GRM1: variants seen among roughly 807,000 people sequenced by gnomAD.
GRM1 encodes metabotropic glutamate receptor 1.
In GRM1, 33 loss-of-function variants were observed where a neutral mutation model predicts 90.9. The ratio of observed to expected loss-of-function variants is 0.36; its 90% CI spans 0.28 to 0.49. The LOEUF is 0.49. GRM1 is among the 20% of genes least tolerant of loss of function. The probability of loss-of-function intolerance (pLI) is 0.99; values close to 1 mark genes in which losing one functional copy is unlikely to be tolerated. For missense variants in GRM1, 1,190 were observed against 1,534.3 expected (o/e 0.78, Z 3.75); for synonymous variants, 700 against 613.2 (o/e 1.14, Z -2.09).
intron 1 of GRM1, among the ~76,000 whole-genome samples, chr6:146,120,072 A>G (rs1775921978): frequency 6.6e-6 from 1 of 152,216 alleles, no homozygotes. Flanking sequence ...CCTATCCATG[A>G]GCATGGAGTG....
chr6:146,102,633 T>A (rs1264434212), intron 1 of GRM1, among the ~76,000 whole-genome samples: 1 of 152,218 alleles, frequency 6.6e-6, no homozygotes, highest in African/African-American at 2.4e-5. Context: ...ATCAGCTTGA[T>A]ATGTTGATGA....
chr6:146,177,714 G>T (rs1778385875), intron 2 of GRM1, among the ~76,000 whole-genome samples: 1 of 151,920 alleles, frequency 6.6e-6, no homozygotes, highest in Admixed American at 6.6e-5. Flanking sequence ...TGCAATTTGA[G>T]TTTGACCATT....
At chr6:146,202,400 A>G (rs1299646783) in intron 2 of GRM1, among the ~76,000 whole-genome samples, 1 of 152,164 alleles carries the variant, frequency 6.6e-6, no homozygotes, top group African/African-American at 2.4e-5. Flanking sequence ...AAAAGCAGCT[A>G]TCATCATACC....
At chr6:146,188,571 A>C (rs1173383048) in intron 2 of GRM1, among the ~76,000 whole-genome samples, 1 of 152,182 alleles carries the variant, frequency 6.6e-6, no homozygotes, top group Non-Finnish European at 1.5e-5. Context: ...CAGAATGTTT[A>C]ATTCTCCCCA....
Position 146,398,318 on chromosome 6 carries a change from A to G in GRM1, c.1730-451A>G, listed in dbSNP as rs189758282. Among the ~76,000 whole-genome samples, 329 of 152,350 alleles carry G rather than the reference A, an allele frequency of 2.2e-3. 1 individual carries two copies. Among genetic ancestry groups the G allele is most frequent in the African/African-American group, 7.7e-3 (319 of 41,580 alleles). On this transcript the variant is annotated intron_variant, in intron 6 of 7. Transcript: ENST00000282753. Reference sequence around the variant, plus strand: ...TCTGCTGGCCAAAAACGACTTGTCTATGAGCTGGACTTGCCTACAGACAAT... The same window carrying G: ...TCTGCTGGCCAAAAACGACTTGTCTGTGAGCTGGACTTGCCTACAGACAAT...
intron 1 of GRM1, among the ~76,000 whole-genome samples, chr6:146,122,781 ATTTAG>A (rs66568685): frequency 0.1 from 14,147 of 136,628 alleles, 817 homozygotes; most frequent in South Asian, 0.15. Context: ...TAAGAATTCT[ATTTAG>A]TTTAAAGTTT....
At chr6:146,040,769 C>G (rs1445262077) in intron 1 of GRM1, among the ~76,000 whole-genome samples, 34 of 151,826 alleles carry the variant, frequency 2.2e-4, no homozygotes, top group Admixed American at 2.2e-3. Context: ...CTTCTTGTAC[C>G]TAGAGATTTA....
chr6:146,225,667 A>G (rs1045877078), intron 2 of GRM1, among the ~76,000 whole-genome samples: 1 of 152,118 alleles, frequency 6.6e-6, no homozygotes, highest in Non-Finnish European at 1.5e-5. Flanking sequence ...ATAAATTAAC[A>G]CCAAATTTAA....
At chr6:146,065,648 G>A (rs6930700) in intron 1 of GRM1, among the ~76,000 whole-genome samples, 6,061 of 152,142 alleles carry the variant, frequency 0.04, 397 homozygotes, top group African/African-American at 0.13. Context: ...GTTCAGCCCC[G>A]TAAACAAGGA....
At chr6:146,204,587 A>G (rs1188962178) in intron 2 of GRM1, among the ~76,000 whole-genome samples, 1 of 152,242 alleles carries the variant, frequency 6.6e-6, no homozygotes, top group Non-Finnish European at 1.5e-5. Context: ...TGCCATGTCC[A>G]TGTTCAGAAC....
rs545926988 is a variant in GRM1 at position 146,133,290 on chromosome 6, C to T, written c.701-26058C>T. On this transcript the variant is annotated intron_variant, in intron 1 of 7. Coordinates refer to ENST00000282753, the MANE Select transcript of GRM1 (RefSeq NM_001278064.2). ...ATGCTGGATTCCTAATTTTGGGCTT[C>T]TCAGAAATAATGTCTCTTTTCTTAG... 1.2e-3 allele frequency among the ~76,000 whole-genome samples: 186 copies of T among 152,338 alleles called. No homozygotes were observed. In the South Asian group the frequency reaches 0.015, roughly 12 times the overall value.
intron 2 of GRM1, among the ~76,000 whole-genome samples, chr6:146,246,376 G>T (rs1562554468): frequency 1.3e-5 from 2 of 152,128 alleles, no homozygotes; most frequent in Admixed American, 1.3e-4. Context: ...GGGCTCAATG[G>T]GGACCTTGCC....
At chr6:146,407,573 G>A (rs1307273572) in intron 7 of GRM1, among the ~76,000 whole-genome samples, 2 of 152,106 alleles carry the variant, frequency 1.3e-5, no homozygotes, top group East Asian at 1.9e-4. Context: ...ATATGTTAAT[G>A]TGTAGTTTCT....
At chr6:146,113,462 G>A (rs1775634932) in intron 1 of GRM1, among the ~76,000 whole-genome samples, 1 of 152,206 alleles carries the variant, frequency 6.6e-6, no homozygotes, top group Non-Finnish European at 1.5e-5. Context: ...TGAGTACACT[G>A]CTGCATTTAT....
At chr6:146,178,132 A>G (rs1022517566) in intron 2 of GRM1, among the ~76,000 whole-genome samples, 5 of 152,176 alleles carry the variant, frequency 3.3e-5, no homozygotes, top group Admixed American at 6.5e-5. Context: ...TCAGAATACC[A>G]CATTCTCTTT....
At chr6:146,150,193 C>T (rs1426924360) in intron 1 of GRM1, among the ~76,000 whole-genome samples, 1 of 152,082 alleles carries the variant, frequency 6.6e-6, no homozygotes, top group Non-Finnish European at 1.5e-5. Context: ...GACAACCTCC[C>T]CTCTCCCCAA....
chr6:146,044,614 T>A (rs1406800018), intron 1 of GRM1, among the ~76,000 whole-genome samples: 1 of 151,986 alleles, frequency 6.6e-6, no homozygotes, highest in Non-Finnish European at 1.5e-5. Context: ...TGTGTGTTGA[T>A]ACATGTGAGG....
At chr6:146,221,252 A>T (rs6900892) in intron 2 of GRM1, among the ~76,000 whole-genome samples, 33,463 of 152,006 alleles carry the variant, frequency 0.22, 7,582 homozygotes, top group African/African-American at 0.58. Context: ...GCAGGTTTGT[A>T]ACATAGGTAT....
At chr6:146,237,559 A>G (rs1455600910) in intron 2 of GRM1, among the ~76,000 whole-genome samples, 1 of 148,222 alleles carries the variant, frequency 6.7e-6, no homozygotes, top group Admixed American at 6.8e-5. Flanking sequence ...ACAAATAAGA[A>G]TATTTGTTAA....
Sources: gnomAD v4.1 joint callset for allele counts (sites outside exome capture counted in the v4.1 genomes callset) on GRCh38, gnomAD v4.1.1 for gene constraint, MANE v1.5 for transcripts, NCBI Gene and HGNC (gene_info 2026-07-23, HGNC 2026-07-21) for gene names.